Variants in ASIC2 observed in about 807,000 individuals in gnomAD.
ASIC2 encodes acid-sensing ion channel 2.
Under a neutral mutation model 57.3 loss-of-function variants are expected in ASIC2, and 25 were observed. The observed-to-expected ratio is 0.44, with a 90% CI of 0.32 to 0.61. ASIC2 has a LOEUF of 0.61. Among genes scored for constraint, ASIC2 ranks in the 20% least tolerant of loss-of-function variants. The pLI is 0.06. For missense variants in ASIC2, 641 were observed against 738.1 expected, an observed-to-expected ratio of 0.87 and a Z score of 1.52; for synonymous variants, 319 against 307.5, an observed-to-expected ratio of 1.04 and a Z score of -0.39.
At chr17:34,036,538 T>G (rs950613583) in intron 1 of ASIC2, 2 of 149,248 alleles carry the variant, frequency 1.3e-5, no homozygotes, top group African/African-American at 4.9e-5. Context: ...TAAAATAAAA[T>G]AAAATAAAAA....
chr17:33,911,559 C>T (rs757537199), intron 1 of ASIC2, among the ~76,000 whole-genome samples: 5 of 152,140 alleles, frequency 3.3e-5, no homozygotes, highest in African/African-American at 7.2e-5. Context: ...CCTAGGTATA[C>T]GACCATACCT....
rs201643723 is a variant in ASIC2 at position 34,021,841 on chromosome 17, T to TG, written c.555+134136_555+134137insC. Among the ~76,000 whole-genome samples, 1,072 of 144,620 alleles carry TG rather than the reference T, an allele frequency of 7.4e-3. 11 individuals are homozygous for TG. Among genetic ancestry groups the TG allele is most frequent in the African/African-American group, 0.026 (986 of 38,358 alleles). 94.9% of individuals were successfully genotyped at this position (144,620 alleles called of 152,430 possible). On this transcript the variant is annotated intron_variant, in intron 1 of 9. Coordinates refer to the ASIC2 transcript ENST00000359872. ...GTTGGTTTTGTGTTTTGTTTTGTTT[T>TG]TTTTTTTTTTTTTTGAGACAGAGTC...
At chr17:33,589,688 G>A (rs184640429) in intron 1 of ASIC2, among the ~76,000 whole-genome samples, 1 of 152,088 alleles carries the variant, frequency 6.6e-6, no homozygotes, top group Admixed American at 6.6e-5. Context: ...GTTGTATTAC[G>A]AATCAGTATT....
At chr17:34,128,260 G>A (rs1261490407) in intron 1 of ASIC2, among the ~76,000 whole-genome samples, 1 of 152,156 alleles carries the variant, frequency 6.6e-6, no homozygotes, top group Admixed American at 6.5e-5. Context: ...TGGCCCGTGG[G>A]ATTCCACTCT....
At chr17:33,813,449 T>G (rs1276337144) in intron 1 of ASIC2, among the ~76,000 whole-genome samples, 1 of 152,202 alleles carries the variant, frequency 6.6e-6, no homozygotes, top group Admixed American at 6.5e-5. Flanking sequence ...GATTTTTGTT[T>G]TTTTTGTGAC....
intron 1 of ASIC2, among the ~76,000 whole-genome samples, chr17:33,660,905 A>G (rs570094540): frequency 2.0e-5 from 3 of 152,176 alleles, no homozygotes; most frequent in East Asian, 3.9e-4. Context: ...CCACAAGCCC[A>G]CTTTCCATGC....
chr17:33,401,227 A>G (rs1910276005), intron 1 of ASIC2, among the ~76,000 whole-genome samples: 1 of 152,212 alleles, frequency 6.6e-6, no homozygotes, highest in Admixed American at 6.5e-5. Flanking sequence ...AAAAAAGCAT[A>G]ATCTTCCCTT....
intron 1 of ASIC2, among the ~76,000 whole-genome samples, chr17:33,531,191 A>G (rs1317745117): frequency 2.0e-5 from 3 of 152,154 alleles, no homozygotes; most frequent in African/African-American, 7.2e-5. Flanking sequence ...CCTTTAAGGC[A>G]AACGTTCCAG....
chr17:33,091,770 G>T (rs1222723997), intron 2 of ASIC2, among the ~76,000 whole-genome samples: 1 of 152,172 alleles, frequency 6.6e-6, no homozygotes, highest in Non-Finnish European at 1.5e-5. Flanking sequence ...GGGAGCAGGT[G>T]ATAGGTAAGG....
chr17:33,673,761 T>C (rs1396511381), intron 1 of ASIC2, among the ~76,000 whole-genome samples: 1 of 152,148 alleles, frequency 6.6e-6, no homozygotes, highest in African/African-American at 2.4e-5. Flanking sequence ...CATACTTCAA[T>C]ATCCAAAGAA....
chr17:33,017,860 G>T (rs2091815221), intron 7 of ASIC2, among the ~76,000 whole-genome samples, 176 bp from the exon 8 acceptor site: 1 of 152,218 alleles, frequency 6.6e-6, no homozygotes, highest in Admixed American at 6.5e-5. Flanking sequence ...AGCTCTGAGA[G>T]CTACCATTTT....
chr17:33,960,745 G>A (rs934804194), intron 1 of ASIC2, among the ~76,000 whole-genome samples: 1 of 152,014 alleles, frequency 6.6e-6, no homozygotes, highest in Non-Finnish European at 1.5e-5. Flanking sequence ...TAAGTCCTAC[G>A]ATTCCTTCAA....
At chr17:34,136,194 C>T (rs2097762) in intron 1 of ASIC2, among the ~76,000 whole-genome samples, 50,928 of 152,058 alleles carry the variant, frequency 0.33, 8,588 homozygotes, top group South Asian at 0.45. Flanking sequence ...TTGACTCTGA[C>T]GTAACATCAC....
chr17:33,873,485 G>A (rs1194714403), intron 1 of ASIC2, among the ~76,000 whole-genome samples: 3 of 152,158 alleles, frequency 2.0e-5, no homozygotes, highest in Non-Finnish European at 4.4e-5. Context: ...AGGCATTGTG[G>A]TGTAGAGAAA....
intron 1 of ASIC2, among the ~76,000 whole-genome samples, chr17:33,473,615 T>A (rs1038427534): frequency 1.2e-4 from 18 of 152,152 alleles, no homozygotes; most frequent in African/African-American, 4.3e-4. Context: ...ACGAGAACAT[T>A]GTGCTGGGCA....
At position 33,186,969 on chromosome 17, in the gene ASIC2, G is replaced by A. The variant is rs141624570; in HGVS notation, c.709-74902C>T. Among the ~76,000 whole-genome samples, 300 of 152,180 alleles carry A rather than the reference G, an allele frequency of 2.0e-3. 2 individuals are homozygous for A. Among genetic ancestry groups the A allele is most frequent in the Middle Eastern group, 6.8e-3 (2 of 294 alleles). On this transcript the variant is annotated intron_variant, in intron 1 of 9. Transcript: ENST00000225823. ...GAAAAGTGGATTTTATACAACAACC[G>A]GTGATGACCAGCTCAGTGGTTGGAC... is the stretch of plus-strand genomic sequence containing the variant.
intron 1 of ASIC2, among the ~76,000 whole-genome samples, chr17:33,355,551 C>T (rs948242351): frequency 2.0e-5 from 3 of 152,136 alleles, no homozygotes; most frequent in Non-Finnish European, 2.9e-5. Flanking sequence ...TCCTTCCTCC[C>T]TTTTGAATTT....
chr17:34,090,188 T>G (rs986641566), intron 1 of ASIC2, among the ~76,000 whole-genome samples: 2 of 152,176 alleles, frequency 1.3e-5, no homozygotes, highest in African/African-American at 4.8e-5. Context: ...TGTGTGGAGC[T>G]CCCTTGTATG....
chr17:33,786,305 G>A (rs775288176), intron 1 of ASIC2, among the ~76,000 whole-genome samples: 35 of 152,130 alleles, frequency 2.3e-4, no homozygotes, highest in Non-Finnish European at 5.0e-4. Context: ...TTCCCTCTGG[G>A]ATTCCAAGAT....
Sources: gnomAD v4.1 joint callset for allele counts (sites outside exome capture counted in the v4.1 genomes callset) on GRCh38, gnomAD v4.1.1 for gene constraint, MANE v1.5 for transcripts, NCBI Gene and HGNC (gene_info 2026-07-23, HGNC 2026-07-21) for gene names.